The following ADAM9 variants were observed in gnomAD, a reference collection of about 807,000 sequenced individuals.
ADAM9 encodes ADAM metallopeptidase domain 9.
A neutral mutation model predicts 108.1 loss-of-function variants in ADAM9; 54 were observed. That is an observed-to-expected ratio of 0.50 (90% CI 0.40 to 0.63). The LOEUF (loss-of-function observed/expected upper bound fraction) is 0.63, where lower values mean the gene tolerates loss of function less well. ADAM9 is among the 20% of genes least tolerant of loss of function. ADAM9 has a pLI of 0.00. For synonymous variants in ADAM9, 316 were observed against 336.0 expected (o/e 0.94, Z 0.65); for missense variants, 830 against 997.7 (o/e 0.83, Z 2.26).
chr8:39,013,609 C>G (rs548354013), intron 3 of ADAM9, among the ~76,000 whole-genome samples: 1 of 151,126 alleles, frequency 6.6e-6, no homozygotes, highest in African/African-American at 2.4e-5. Flanking sequence ...CTTAAGCAAT[C>G]CTCCCACCTT....
chr8:39,101,738 C>T, intron 20 of ADAM9, 125 bp from the exon 21 acceptor site: 1 of 825,266 alleles, frequency 1.2e-6, no homozygotes, highest in East Asian at 2.7e-5. Flanking sequence ...TGGTTCTAAG[C>T]ATTTCTGATA....
intron 14 of ADAM9, among the ~76,000 whole-genome samples, chr8:39,067,996 A>C (rs1291067029): frequency 6.6e-6 from 1 of 152,192 alleles, no homozygotes; most frequent in African/African-American, 2.4e-5. Flanking sequence ...GCATCTGTTG[A>C]GATAACCATG....
chr8:39,029,619 C>T (rs1837036828), intron 11 of ADAM9, among the ~76,000 whole-genome samples: 1 of 152,046 alleles, frequency 6.6e-6, no homozygotes, highest in African/African-American at 2.4e-5. Flanking sequence ...TATCAAATGC[C>T]TTTTTGGCAC....
intron 15 of ADAM9, among the ~76,000 whole-genome samples, chr8:39,073,113 G>A (rs1011133005): frequency 1.3e-5 from 2 of 152,268 alleles, no homozygotes; most frequent in Middle Eastern, 3.4e-3. Context: ...ATGGGTAAAT[G>A]TTCCATGTAT....
intron 9 of ADAM9, among the ~76,000 whole-genome samples, chr8:39,023,810 G>A (rs542063189): frequency 1.2e-4 from 16 of 133,462 alleles, no homozygotes; most frequent in African/African-American, 3.7e-4. Flanking sequence ...GCAGTGGCAC[G>A]ATCTTGGCTC....
chr8:39,061,801 T>C (rs1429612911), intron 14 of ADAM9, among the ~76,000 whole-genome samples: 1 of 152,156 alleles, frequency 6.6e-6, no homozygotes, highest in African/African-American at 2.4e-5. Context: ...ACTAATCACC[T>C]CTTAAAGGTC....
chr8:39,065,035 A>T (rs1046234702), intron 14 of ADAM9, among the ~76,000 whole-genome samples: 1 of 152,112 alleles, frequency 6.6e-6, no homozygotes, highest in Admixed American at 6.5e-5. Flanking sequence ...TGGTGGGTAC[A>T]TTCAATCTGG....
At chr8:39,023,740 G>GTTTTTTTT (rs869059346) in intron 9 of ADAM9, among the ~76,000 whole-genome samples, 26 of 78,902 alleles carry the variant, frequency 3.3e-4, no homozygotes, top group African/African-American at 6.4e-4. Flanking sequence ...TTTTGCGTTT[G>GTTTTTTTT]TTTTTTTTTT....
At chr8:39,066,087 T>C (rs1564339158) in intron 14 of ADAM9, among the ~76,000 whole-genome samples, 1 of 152,226 alleles carries the variant, frequency 6.6e-6, no homozygotes, top group East Asian at 1.9e-4. Flanking sequence ...GAACTCATCC[T>C]TTTTCATGGC....
intron 18 of ADAM9, among the ~76,000 whole-genome samples, chr8:39,087,267 A>G (rs1365916778): frequency 6.6e-6 from 1 of 151,900 alleles, no homozygotes; most frequent in Non-Finnish European, 1.5e-5. Flanking sequence ...CTCAGGGATC[A>G]TTGCTCTTTG....
intron 11 of ADAM9, among the ~76,000 whole-genome samples, chr8:39,029,370 A>C (rs1007379244): frequency 5.9e-5 from 9 of 152,146 alleles, no homozygotes; most frequent in Non-Finnish European, 1.3e-4. Flanking sequence ...AACACTGATA[A>C]TAGAGAGGGT....
intron 1 of ADAM9, among the ~76,000 whole-genome samples, chr8:38,998,925 C>T (rs1835912171): frequency 6.6e-6 from 1 of 152,130 alleles, no homozygotes. Context: ...TTGGACTTCA[C>T]CCCGTAGGAA....
chr8:39,028,617 A>T (rs1837001080), intron 11 of ADAM9, among the ~76,000 whole-genome samples: 1 of 152,214 alleles, frequency 6.6e-6, no homozygotes, highest in African/African-American at 2.4e-5. Flanking sequence ...GAAGCAATGA[A>T]GAGTGGACCC....
rs1305910254 is a variant in ADAM9 at position 39,104,227 on chromosome 8, A to T, written c.*527A>T. 2.2e-6 allele frequency: 1 copy of T among 453,840 alleles called. No individual in the cohort carries two copies. The highest frequency in any genetic ancestry group is 6.9e-5 in the East Asian group (1 of 14,404). The allele number at this position is 453,840 out of a possible 1,614,324, so 28.1% of individuals were successfully genotyped here. On this transcript the variant is annotated 3_prime_UTR_variant, in exon 22 of 22. Coordinates refer to ENST00000487273, the MANE Select transcript of ADAM9 (RefSeq NM_003816.3). The stretch of plus-strand genomic sequence containing the variant: ...AATCTTGTCTGTCACTCACTACATG[A>T]ATAAGCAAATATTGTCTTCAAAAGA...
In ADAM9 at chr8:39,055,470, T is replaced by G. The variant is rs964009843; in HGVS notation, c.1396-107T>G. On this transcript the variant is annotated intron_variant, in intron 13 of 21. Transcript: ENST00000487273. Reference sequence around the variant, plus strand: ...TTTTCTGTTGGGTTATTTAATCTTTTGCTATTGTTAGAATGCTTTATAGAT... The same window carrying G: ...TTTTCTGTTGGGTTATTTAATCTTTGGCTATTGTTAGAATGCTTTATAGAT... 7.6e-5 allele frequency: 86 copies of G among 1,124,224 alleles called. No individual in the cohort carries two copies. The Middle Eastern group carries it at 2.2e-3, about 29-fold the overall frequency. The allele number at this position is 1,124,224 out of a possible 1,614,324, so 69.6% of individuals were successfully genotyped here.
In ADAM9 at chr8:39,105,001, CTT is replaced by C. The variant is rs903070148; in HGVS notation, c.*1304_*1305del. The C allele has an allele frequency of 3.7e-5, 16 of 429,116 alleles. No homozygotes were observed. Among genetic ancestry groups the C allele is most frequent in the African/African-American group, 2.3e-4 (11 of 48,528 alleles). 26.6% of individuals were successfully genotyped at this position (429,116 alleles called of 1,614,324 possible). Reference sequence around the variant, plus strand: ...CAATAAATAAAATACTTGAAATTCTCTTTTGTGTCTCCTAGTAGCTTCCTACT... The same window carrying C: ...CAATAAATAAAATACTTGAAATTCTCTTGTGTCTCCTAGTAGCTTCCTACT... On this transcript the variant is annotated 3_prime_UTR_variant, in exon 22 of 22. Coordinates refer to ENST00000487273, the MANE Select transcript of ADAM9 (RefSeq NM_003816.3).
chr8:39,085,332 C>T (rs1027653687), intron 18 of ADAM9, among the ~76,000 whole-genome samples: 2 of 152,096 alleles, frequency 1.3e-5, no homozygotes, highest in African/African-American at 2.4e-5. Context: ...TCCCACAATT[C>T]ATTGTTACTC....
At chr8:39,037,461 T>G (rs1192064529) in intron 11 of ADAM9, among the ~76,000 whole-genome samples, 51 of 146,360 alleles carry the variant, frequency 3.5e-4, no homozygotes, top group African/African-American at 1.1e-3. Context: ...TGTGTGTGTT[T>G]TTTTTTTTTT....
In ADAM9 at chr8:39,103,735, G is replaced by T; in HGVS notation, c.*35G>T. 2 of 1,582,488 alleles carry T rather than the reference G, an allele frequency of 1.3e-6. No homozygotes were observed. Among genetic ancestry groups the T allele is most frequent in the Non-Finnish European group, 1.7e-6 (2 of 1,152,008 alleles). On this transcript the variant is annotated 3_prime_UTR_variant, in exon 22 of 22. Transcript: ENST00000487273. ...CCTTCTTTTTGCAAATGTCTTCAGG[G>T]AACTGAGCTAATACTTTTTTTTTTT...
Sources: gnomAD v4.1 joint callset for allele counts (sites outside exome capture counted in the v4.1 genomes callset) on GRCh38, gnomAD v4.1.1 for gene constraint, MANE v1.5 for transcripts, NCBI Gene and HGNC (gene_info 2026-07-23, HGNC 2026-07-21) for gene names.